PIP5K1B: variants seen among roughly 807,000 people sequenced by gnomAD.
PIP5K1B encodes the protein phosphatidylinositol-4-phosphate 5-kinase type 1 beta.
A neutral mutation model predicts 67.0 loss-of-function variants in PIP5K1B; 42 were observed. That is an observed-to-expected ratio of 0.63 (90% confidence interval 0.49 to 0.81). The LOEUF is 0.81. Ranked by LOEUF, PIP5K1B falls within the 30% of genes least tolerant of loss-of-function variation. The pLI, the probability that PIP5K1B is intolerant of heterozygous loss-of-function variation, is 0.00. For synonymous variants in PIP5K1B, 214 were observed against 231.4 expected, an observed-to-expected ratio of 0.92 and a Z score of 0.68; for missense variants, 459 against 646.3, an observed-to-expected ratio of 0.71 and a Z score of 3.14.
Position 68,935,021 on chromosome 9 carries a change from A to G in PIP5K1B, c.1333A>G (p.Ser445Gly). Residue 445 changes from serine to glycine, a missense_variant, in exon 13 of 16, where the codon AGT becomes GGT. Transcript: ENST00000265382. ...EKRDLLTEGQ[S>G]FSSLDEEALG... ...GCGGGATTTGCTGACTGAAGGACAA[A>G]GTTTTAGCAGCCTTGATGAAGAAGG... The G allele has an allele frequency of 6.2e-7, 1 of 1,613,568 alleles. No individual in the cohort carries two copies. Among genetic ancestry groups the G allele is most frequent in the Non-Finnish European group, 8.5e-7 (1 of 1,179,666 alleles).
intron 2 of PIP5K1B, among the ~76,000 whole-genome samples, chr9:68,804,615 A>G (rs1832770130): frequency 7.0e-6 from 1 of 143,210 alleles, no homozygotes; most frequent in Admixed American, 7.1e-5. Context: ...TTTGAGAGAC[A>G]GGGTCTCACT....
chr9:68,781,084 G>C (rs1215734010), intron 2 of PIP5K1B: 1 of 1,540,674 alleles, frequency 6.5e-7, no homozygotes, highest in Non-Finnish European at 8.7e-7. Flanking sequence ...ATCTAGTTGG[G>C]GCAAACACTG....
intron 2 of PIP5K1B, among the ~76,000 whole-genome samples, chr9:68,769,043 C>T (rs751900664): frequency 3.9e-5 from 6 of 152,214 alleles, no homozygotes; most frequent in Admixed American, 1.3e-4. Context: ...GAAGTGTTTG[C>T]CTCAGTAAAT....
chr9:68,710,512 G>A (rs1217916972), intron 1 of PIP5K1B, among the ~76,000 whole-genome samples: 1 of 152,104 alleles, frequency 6.6e-6, no homozygotes, highest in Non-Finnish European at 1.5e-5. Flanking sequence ...TTAGGTCAGG[G>A]AAAACAGGCT....
In PIP5K1B at chr9:69,008,626, G is replaced by C. The variant is rs1318972349; in HGVS notation, c.*177G>C. ...CAACTTCAGGCTGATCAGCAGATGG[G>C]ATGTGAAAAATACTACCCTATTCTA... is the stretch of plus-strand genomic sequence containing the variant. On this transcript the variant is annotated 3_prime_UTR_variant, in exon 16 of 16. Coordinates refer to ENST00000265382, the MANE Select transcript of PIP5K1B (RefSeq NM_003558.4). 1.5e-5 allele frequency: 10 copies of C among 662,032 alleles called. No individual in the cohort carries two copies. The highest frequency in any genetic ancestry group is 1.1e-4 in the Admixed American group (5 of 47,292). 41.0% of individuals were successfully genotyped at this position (662,032 alleles called of 1,614,324 possible).
intron 5 of PIP5K1B, among the ~76,000 whole-genome samples, chr9:68,867,487 G>A (rs1413222380): frequency 6.6e-6 from 1 of 152,214 alleles, no homozygotes; most frequent in African/African-American, 2.4e-5. Context: ...GGTGCTATTG[G>A]CTTTGTTGGA....
At chr9:68,965,973 CAAA>C (rs1198036806) in intron 14 of PIP5K1B, among the ~76,000 whole-genome samples, 10 of 67,122 alleles carry the variant, frequency 1.5e-4, no homozygotes, top group Admixed American at 1.8e-4. Flanking sequence ...GACTCCATCT[CAAA>C]AAAAAAAAAA....
At chr9:68,900,093 T>G (rs1452970981) in intron 8 of PIP5K1B, among the ~76,000 whole-genome samples, 1 of 152,244 alleles carries the variant, frequency 6.6e-6, no homozygotes, top group South Asian at 2.1e-4. Context: ...GCAAAGGACA[T>G]GATTTCATTC....
chr9:68,793,528 T>C (rs1306341720), intron 2 of PIP5K1B, among the ~76,000 whole-genome samples: 1 of 152,098 alleles, frequency 6.6e-6, no homozygotes, highest in Admixed American at 6.6e-5. Flanking sequence ...GCTGGTAGAT[T>C]TAAGGTGGGC....
At chr9:68,886,764 G>A (rs745764242) in intron 6 of PIP5K1B, among the ~76,000 whole-genome samples, 3 of 152,174 alleles carry the variant, frequency 2.0e-5, no homozygotes, top group Non-Finnish European at 4.4e-5. Context: ...GTCCTTCTAC[G>A]GTGGTTTCCT....
intron 14 of PIP5K1B, among the ~76,000 whole-genome samples, chr9:68,947,589 TAA>T (rs1827861488): frequency 6.6e-6 from 1 of 152,158 alleles, no homozygotes; most frequent in South Asian, 2.1e-4. Context: ...GGATCTTTTT[TAA>T]AAGAGAGAGA....
At chr9:68,765,143 A>G (rs1385071254) in intron 2 of PIP5K1B, among the ~76,000 whole-genome samples, 2 of 152,100 alleles carry the variant, frequency 1.3e-5, no homozygotes, top group Non-Finnish European at 1.5e-5. Context: ...TCCAAAGGAA[A>G]TCAGTTACAA....
chr9:68,810,748 C>T (rs1362680066), intron 2 of PIP5K1B, among the ~76,000 whole-genome samples: 1 of 152,150 alleles, frequency 6.6e-6, no homozygotes, highest in African/African-American at 2.4e-5. Flanking sequence ...TTAAAAAGCT[C>T]CTCTACCACC....
At chr9:68,799,393 A>C (rs577925623) in intron 2 of PIP5K1B, among the ~76,000 whole-genome samples, 1 of 152,326 alleles carries the variant, frequency 6.6e-6, no homozygotes, top group African/African-American at 2.4e-5. Context: ...AATAGAAAAA[A>C]ATTAAATTCA....
intron 7 of PIP5K1B, among the ~76,000 whole-genome samples, chr9:68,891,930 T>C (rs11144163): frequency 0.098 from 14,848 of 152,216 alleles, 851 homozygotes; most frequent in Non-Finnish European, 0.14. Flanking sequence ...ATGTGAGTAC[T>C]GTAATTCTGA....
chr9:68,838,437 G>A (rs1268504010), intron 4 of PIP5K1B, among the ~76,000 whole-genome samples: 1 of 152,144 alleles, frequency 6.6e-6, no homozygotes. Flanking sequence ...GTTATTAATA[G>A]ATACATAAAT....
intron 2 of PIP5K1B, chr9:68,782,516 A>G (rs1205208712): frequency 6.0e-6 from 1 of 167,150 alleles, no homozygotes; most frequent in Non-Finnish European, 1.5e-5. Flanking sequence ...AAAATGACTC[A>G]GAACAAGACA....
intron 8 of PIP5K1B, among the ~76,000 whole-genome samples, chr9:68,914,518 T>A (rs768648687): frequency 2.5e-4 from 38 of 152,136 alleles, no homozygotes; most frequent in East Asian, 7.7e-4. Context: ...GATTGAGACC[T>A]TCCTGGCTAA....
chr9:68,839,756 G>T (rs1469291330), intron 4 of PIP5K1B, among the ~76,000 whole-genome samples: 1 of 152,196 alleles, frequency 6.6e-6, no homozygotes. Context: ...CAGAGCCTGA[G>T]ATGGAGACGT....
Sources: gnomAD v4.1 joint callset for allele counts (sites outside exome capture counted in the v4.1 genomes callset) on GRCh38, gnomAD v4.1.1 for gene constraint, MANE v1.5 for transcripts, NCBI Gene and HGNC (gene_info 2026-07-23, HGNC 2026-07-21) for gene names.